The following RIT2 variants were observed in gnomAD, a reference collection of about 807,000 sequenced individuals.
RIT2 encodes GTP-binding protein Rit2.
In RIT2, 24 loss-of-function variants were observed where a neutral mutation model predicts 23.7. That is an observed-to-expected ratio of 1.01 (90% CI 0.73 to 1.43). RIT2 has a LOEUF of 1.43. RIT2 is among the 40% of genes most tolerant of loss of function. RIT2 has a pLI of 0.00. For synonymous variants in RIT2, 107 were observed against 91.1 expected, an observed-to-expected ratio of 1.17 and a Z score of -0.99; for missense variants, 236 against 266.9, an observed-to-expected ratio of 0.88 and a Z score of 0.81.
intron 4 of RIT2, among the ~76,000 whole-genome samples, chr18:42,858,039 G>A (rs777879354): frequency 1.8e-4 from 28 of 152,046 alleles, no homozygotes; most frequent in Non-Finnish European, 2.6e-4. Flanking sequence ...AAATTAGCTG[G>A]GCATGGTGGC....
Position 42,816,835 on chromosome 18 carries a change from TTTA to T in RIT2, c.427-73118_427-73116del, listed in dbSNP as rs759155254. On this transcript the variant is annotated intron_variant, in intron 4 of 4. Transcript: ENST00000326695. ...CTAGGAGGAGAGGGAGAGGAAACTC[TTTA>T]TTTTGGTTCCACTGCTTACTGTGCA... Among the ~76,000 whole-genome samples the T allele has an allele frequency of 1.8e-3, 279 of 152,246 alleles. 1 individual carries two copies. Among genetic ancestry groups the T allele is most frequent in the Non-Finnish European group, 3.3e-3 (222 of 68,012 alleles).
In RIT2 at chr18:42,912,090, T is replaced by A. The variant is rs140565312; in HGVS notation, c.426+11482A>T. On this transcript the variant is annotated intron_variant, in intron 4 of 4. Coordinates refer to ENST00000326695, the MANE Select transcript of RIT2 (RefSeq NM_002930.4). ...AATATATATGTATAATAATGCACTA[T>A]GATAAAATGTGATTTATTCCAGGTA... Among the ~76,000 whole-genome samples the A allele has an allele frequency of 6.4e-3, 972 of 151,946 alleles. 6 individuals carry two copies. The highest frequency in any genetic ancestry group is 0.022 in the African/African-American group (900 of 41,540).
In RIT2 at chr18:43,033,874, G is replaced by GA. The variant is rs112790285; in HGVS notation, c.104-8dup. 61 of 1,583,826 alleles carry GA rather than the reference G, an allele frequency of 3.9e-5. No individual in the cohort carries two copies. The highest frequency in any genetic ancestry group is 1.5e-4 in the African/African-American group (11 of 74,124). On this transcript the variant is annotated splice_polypyrimidine_tract_variant and splice_region_variant and intron_variant, in intron 1 of 4. Coordinates refer to ENST00000326695, the MANE Select transcript of RIT2 (RefSeq NM_002930.4). ...ATAAACTGCATTGTCATTGCTGAAA[G>GA]AAAAAAAACACATTTTGTTTAATAA...
At chr18:42,894,868 T>C (rs917248666) in intron 4 of RIT2, among the ~76,000 whole-genome samples, 1 of 152,252 alleles carries the variant, frequency 6.6e-6, no homozygotes, top group Non-Finnish European at 1.5e-5. Flanking sequence ...AATTGCTCTA[T>C]GCATAGAGAA....
At chr18:43,027,259 C>A (rs937746637) in intron 2 of RIT2, among the ~76,000 whole-genome samples, 1 of 151,958 alleles carries the variant, frequency 6.6e-6, no homozygotes, top group Non-Finnish European at 1.5e-5. Context: ...CTCTGAGCAG[C>A]TTTATAGCAA....
rs1231005848 is a variant in RIT2 at position 42,974,119 on chromosome 18, A to G, written c.189T>C (p.Ile63=). The G allele has an allele frequency of 6.2e-7, 1 of 1,611,690 alleles. No individual in the cohort carries two copies. Residue 63 remains isoleucine, a synonymous_variant, in exon 3 of 5, where the codon ATT becomes ATC. Transcript: ENST00000326695. The part of the protein sequence containing the change: ...IEDAYKTQVR[I]DNEPAYLDIL... ...TGTCCAAGTAAGCTGGCTCATTGTC[A>G]ATCCTGACCTGGGTCTTATAAGCAT... is the stretch of plus-strand genomic sequence containing the variant.
At chr18:43,068,034 T>C (rs1232805083) in intron 1 of RIT2, among the ~76,000 whole-genome samples, 1 of 152,172 alleles carries the variant, frequency 6.6e-6, no homozygotes, top group Non-Finnish European at 1.5e-5. Context: ...AAGGCTCTAA[T>C]GGGAGACACA....
chr18:42,890,661 C>G (rs555574937), intron 4 of RIT2, among the ~76,000 whole-genome samples: 2 of 152,114 alleles, frequency 1.3e-5, no homozygotes, highest in Middle Eastern at 6.8e-3. Flanking sequence ...CCAGAATTAT[C>G]TTCTTGTTAA....
At chr18:42,782,075 A>T (rs1244769987) in intron 4 of RIT2, among the ~76,000 whole-genome samples, 7 of 152,220 alleles carry the variant, frequency 4.6e-5, no homozygotes, top group Non-Finnish European at 1.0e-4. Flanking sequence ...TTCAAAGCAC[A>T]GGAAAATGTA....
chr18:42,981,434 C>T (rs538413411), intron 2 of RIT2, among the ~76,000 whole-genome samples: 1 of 152,106 alleles, frequency 6.6e-6, no homozygotes, highest in South Asian at 2.1e-4. Context: ...TTCCAATGTA[C>T]CTCTGATGCC....
intron 3 of RIT2, among the ~76,000 whole-genome samples, chr18:42,932,934 A>T (rs938011889): frequency 1.2e-4 from 19 of 152,130 alleles, no homozygotes; most frequent in African/African-American, 4.3e-4. Context: ...TTATGAACTT[A>T]AAAAATTAGC....
chr18:42,980,785 T>A (rs1910581570), intron 2 of RIT2, among the ~76,000 whole-genome samples: 2 of 152,090 alleles, frequency 1.3e-5, no homozygotes, highest in African/African-American at 4.8e-5. Context: ...TACTGGAAGA[T>A]GTCATTTTAA....
intron 2 of RIT2, among the ~76,000 whole-genome samples, chr18:42,982,248 C>T (rs769289071): frequency 3.3e-5 from 5 of 152,060 alleles, no homozygotes; most frequent in African/African-American, 7.2e-5. Flanking sequence ...TGAAGTCCAG[C>T]GCAGCAGAGG....
chr18:42,872,486 C>T (rs1386387199), intron 4 of RIT2, among the ~76,000 whole-genome samples: 1 of 152,082 alleles, frequency 6.6e-6, no homozygotes, highest in East Asian at 1.9e-4. Context: ...ATCCTGTGCC[C>T]AATACTGAAT....
chr18:42,778,866 A>G (rs1423130243), intron 4 of RIT2, among the ~76,000 whole-genome samples: 2 of 152,178 alleles, frequency 1.3e-5, no homozygotes, highest in Non-Finnish European at 2.9e-5. Flanking sequence ...AAAAGAGGCA[A>G]TCCATTTGAC....
At chr18:43,073,193 A>G (rs4890424) in intron 1 of RIT2, among the ~76,000 whole-genome samples, 141,937 of 152,220 alleles carry the variant, frequency 0.93, 66,918 homozygotes, top group East Asian at 1. Flanking sequence ...TTCTTAGTCA[A>G]ATGACAGCTC....
At chr18:42,880,257 C>T (rs916325220) in intron 4 of RIT2, among the ~76,000 whole-genome samples, 3 of 152,122 alleles carry the variant, frequency 2.0e-5, no homozygotes, top group African/African-American at 7.2e-5. Flanking sequence ...CTGGAAATAC[C>T]TGGGGCTGTT....
chr18:42,752,764 G>A (rs888203131), intron 4 of RIT2, among the ~76,000 whole-genome samples: 1 of 151,992 alleles, frequency 6.6e-6, no homozygotes, highest in Non-Finnish European at 1.5e-5. Context: ...GGGTGGGGGT[G>A]GGGAAGAAAT....
intron 4 of RIT2, among the ~76,000 whole-genome samples, chr18:42,750,601 A>G (rs1350421228): frequency 1.3e-5 from 2 of 151,880 alleles, no homozygotes; most frequent in Admixed American, 6.6e-5. Flanking sequence ...AACTCAGATC[A>G]CATCAAATCA....
Sources: allele counts gnomAD v4.1 joint callset (sites outside exome capture counted in the v4.1 genomes callset), GRCh38; gene constraint gnomAD v4.1.1; transcripts MANE v1.5; gene names NCBI Gene and HGNC (gene_info 2026-07-23, HGNC 2026-07-21).